BCKDHB: variants seen among roughly 807,000 people sequenced by gnomAD.
BCKDHB encodes branched chain keto acid dehydrogenase E1 subunit beta.
A neutral mutation model predicts 48.5 loss-of-function variants in BCKDHB; 41 were observed. The observed-to-expected ratio is 0.85, with a 90% CI of 0.66 to 1.10. The LOEUF is 1.10. Among genes scored for constraint, BCKDHB ranks in the 50% least tolerant of loss-of-function variants. BCKDHB has a pLI of 0.00. For synonymous variants in BCKDHB, 201 were observed against 174.8 expected, an observed-to-expected ratio of 1.15 and a Z score of -1.18; for missense variants, 496 against 494.2, an observed-to-expected ratio of 1.00 and a Z score of -0.03.
chr6:80,124,756 C>CT (rs1031949610), intron 1 of BCKDHB, among the ~76,000 whole-genome samples: 319 of 151,606 alleles, frequency 2.1e-3, no homozygotes, highest in Admixed American at 4.2e-3. Flanking sequence ...TGAAAGGAAT[C>CT]TTTTTTTTTC....
chr6:80,288,472 A>C (rs1766738169), intron 9 of BCKDHB, among the ~76,000 whole-genome samples: 1 of 152,188 alleles, frequency 6.6e-6, no homozygotes, highest in Non-Finnish European at 1.5e-5. Flanking sequence ...TATGATGAGA[A>C]AAGCCCATTT....
At chr6:80,404,130 A>G in the BCKDHB span, among the ~76,000 whole-genome samples, 3 of 147,144 alleles carry the variant, frequency 2.0e-5, no homozygotes, top group Non-Finnish European at 2.9e-5. Flanking sequence ...TAATTTTTTT[A>G]AAGAGTTTGA....
At chr6:80,215,653 A>T (rs1009525920) in intron 8 of BCKDHB, among the ~76,000 whole-genome samples, 3 of 152,224 alleles carry the variant, frequency 2.0e-5, no homozygotes, top group African/African-American at 7.2e-5. Flanking sequence ...CAGTCATGCC[A>T]TGGGGTCTAT....
intron 8 of BCKDHB, among the ~76,000 whole-genome samples, chr6:80,221,026 C>T (rs578199734): frequency 6.6e-6 from 1 of 152,118 alleles, no homozygotes; most frequent in African/African-American, 2.4e-5. Context: ...AGCCACCGCA[C>T]CTGGCTATTT....
intron 1 of BCKDHB, among the ~76,000 whole-genome samples, chr6:80,122,326 G>A (rs144755475): frequency 2.9e-4 from 44 of 152,232 alleles, no homozygotes; most frequent in African/African-American, 8.7e-4. Context: ...CTTTTGTTGT[G>A]TCTGTCAGGC....
At chr6:80,235,562 A>G (rs1256088746) in intron 8 of BCKDHB, among the ~76,000 whole-genome samples, 3 of 152,190 alleles carry the variant, frequency 2.0e-5, no homozygotes, top group East Asian at 1.9e-4. Flanking sequence ...GGGACTAAAA[A>G]TCTAGGTTAA....
At chr6:80,295,573 C>T (rs115325551) in intron 9 of BCKDHB, among the ~76,000 whole-genome samples, 2,020 of 146,858 alleles carry the variant, frequency 0.014, 32 homozygotes, top group African/African-American at 0.049. Context: ...ACAGCCAAAT[C>T]GTATTACTTG....
At chr6:80,392,564 A>G in the BCKDHB span, among the ~76,000 whole-genome samples, 28 of 151,182 alleles carry the variant, frequency 1.9e-4, no homozygotes, top group Non-Finnish European at 3.4e-4. Flanking sequence ...ATTGTTCTTA[A>G]TGTTTATTTT....
chr6:80,409,435 G>T, the BCKDHB span, among the ~76,000 whole-genome samples: 1 of 151,102 alleles, frequency 6.6e-6, no homozygotes, highest in Non-Finnish European at 1.5e-5. Context: ...GGATATCTTT[G>T]TTAATCTTCT....
chr6:80,288,720 G>A (rs1456453774), intron 9 of BCKDHB, among the ~76,000 whole-genome samples: 1 of 151,918 alleles, frequency 6.6e-6, no homozygotes, highest in African/African-American at 2.4e-5. Flanking sequence ...AAACTAACTT[G>A]TATTATAATT....
the BCKDHB span, chr6:80,374,383 AACGTCGG>A: frequency 2.2e-5 from 18 of 811,110 alleles, no homozygotes; most frequent in Admixed American, 1.7e-4. Context: ...CCACCATTGT[AACGTCGG>A]AATGGTACGC....
chr6:80,405,607 CT>C, the BCKDHB span, among the ~76,000 whole-genome samples: 1 of 145,916 alleles, frequency 6.9e-6, no homozygotes, highest in East Asian at 2.1e-4. Flanking sequence ...TGTTTTATTT[CT>C]TCTTTTCTTG....
At chr6:80,124,898 G>A (rs777624943) in intron 1 of BCKDHB, among the ~76,000 whole-genome samples, 1 of 152,144 alleles carries the variant, frequency 6.6e-6, no homozygotes, top group African/African-American at 2.4e-5. Flanking sequence ...ATTCTCAAGG[G>A]TGCTAGGACT....
intron 3 of BCKDHB, among the ~76,000 whole-genome samples, chr6:80,135,478 A>G (rs1175582792): frequency 6.6e-6 from 1 of 152,064 alleles, no homozygotes; most frequent in Non-Finnish European, 1.5e-5. Flanking sequence ...AGTTGGTGTA[A>G]ATCTGGTTTC....
chr6:80,430,418 G>T, the BCKDHB span, among the ~76,000 whole-genome samples: 2 of 152,106 alleles, frequency 1.3e-5, no homozygotes, highest in Non-Finnish European at 2.9e-5. Flanking sequence ...ATGTTGTTTG[G>T]AATAGTTTCA....
chr6:80,162,160 C>T (rs1422231300), intron 3 of BCKDHB, among the ~76,000 whole-genome samples: 2 of 152,146 alleles, frequency 1.3e-5, no homozygotes, highest in East Asian at 1.9e-4. Context: ...CGGGTCCATT[C>T]GGTCTTCCAT....
intron 9 of BCKDHB, among the ~76,000 whole-genome samples, chr6:80,316,602 C>T (rs1768458385): frequency 6.6e-6 from 1 of 152,122 alleles, no homozygotes; most frequent in Non-Finnish European, 1.5e-5. Context: ...AATCAAGGTA[C>T]TTCCCACAAG....
At position 80,140,280 on chromosome 6, in the gene BCKDHB, T is replaced by A. The variant is rs539862253; in HGVS notation, c.343+11051T>A. Among the ~76,000 whole-genome samples the A allele has an allele frequency of 1.5e-3, 236 of 152,330 alleles. 2 individuals are homozygous for A. Among genetic ancestry groups the A allele is most frequent in the Non-Finnish European group, 8.5e-4 (58 of 68,046 alleles). ...ACAATTTGACTTCCTCTTTTCCTAA[T>A]TGAATACCTTTTATTTCCTTCTCCT... On this transcript the variant is annotated intron_variant, in intron 3 of 9. Transcript: ENST00000320393.
chr6:80,133,919 A>C (rs1283750597), intron 3 of BCKDHB, among the ~76,000 whole-genome samples: 2 of 152,182 alleles, frequency 1.3e-5, no homozygotes, highest in African/African-American at 2.4e-5. Context: ...CTGGGATTAC[A>C]GGCGTGAGCC....
Sources: allele counts gnomAD v4.1 joint callset (sites outside exome capture counted in the v4.1 genomes callset), GRCh38; gene constraint gnomAD v4.1.1; transcripts MANE v1.5; gene names NCBI Gene and HGNC (gene_info 2026-07-23, HGNC 2026-07-21).